Variants in EIF4H observed in about 807,000 individuals in gnomAD.
EIF4H encodes the protein eukaryotic translation initiation factor 4H.
A neutral mutation model predicts 30.6 loss-of-function variants in EIF4H; 8 were observed. The ratio of observed to expected loss-of-function variants is 0.26; its 90% CI spans 0.15 to 0.47. EIF4H has a LOEUF of 0.47. EIF4H is among the 20% of genes least tolerant of loss of function. The pLI, the probability that EIF4H is intolerant of heterozygous loss-of-function variation, is 0.99. For synonymous variants in EIF4H, 106 were observed against 122.7 expected, an observed-to-expected ratio of 0.86 and a Z score of 0.90; for missense variants, 188 against 339.5, an observed-to-expected ratio of 0.55 and a Z score of 3.51.
intron 1 of EIF4H, among the ~76,000 whole-genome samples, chr7:74,178,547 A>G (rs924047388): frequency 2.0e-5 from 3 of 147,520 alleles, no homozygotes; most frequent in Admixed American, 2.0e-4. Context: ...ACTGTCTCCA[A>G]AAAAAAAAAA....
At chr7:74,183,422 G>A (rs143844665) in intron 1 of EIF4H, among the ~76,000 whole-genome samples, 27 of 152,196 alleles carry the variant, frequency 1.8e-4, no homozygotes, top group Non-Finnish European at 3.2e-4. Context: ...TATAGCACTT[G>A]GTACTTAGGA....
At chr7:74,189,570 A>G (rs1440037482) in intron 2 of EIF4H, 103 bp from the exon 3 acceptor site, 2 of 1,332,996 alleles carry the variant, frequency 1.5e-6, no homozygotes, top group South Asian at 1.4e-5. Context: ...CATCTAGACA[A>G]CAGAATGGTA....
In EIF4H at chr7:74,186,806, T is replaced by TAA. The variant is rs1801092053; in HGVS notation, c.60-805_60-804insAA. Among the ~76,000 whole-genome samples, 2 of 41,950 alleles carry TAA rather than the reference T, an allele frequency of 4.8e-5. 1 individual carries two copies. The highest frequency in any genetic ancestry group is 8.7e-5 in the Non-Finnish European group (2 of 22,974). 27.5% of individuals were successfully genotyped at this position (41,950 alleles called of 152,430 possible). ...AGGAGAAATTTTTTTTTTTTTTTTT[T>TAA]TTTTTTTTTTTTTTTTTTTTTTTTT... On this transcript the variant is annotated intron_variant, in intron 1 of 6. Coordinates refer to ENST00000265753, the MANE Select transcript of EIF4H (RefSeq NM_022170.2).
In EIF4H at chr7:74,195,254, T is replaced by C; in HGVS notation, c.693T>C (p.Ala231=). 2 of 1,613,928 alleles carry C rather than the reference T, an allele frequency of 1.2e-6. No individual in the cohort carries two copies. The highest frequency in any genetic ancestry group is 1.7e-6 in the Non-Finnish European group (2 of 1,179,840). The part of the protein sequence containing the change: ...PLNQVANPNS[A]IFGGARPREE... Reference sequence around the variant, plus strand: ...ATCAAGTAGCCAATCCCAACTCTGCTATCTTCGGGGGTGCCAGGCCTAGAG... The same window carrying C: ...ATCAAGTAGCCAATCCCAACTCTGCCATCTTCGGGGGTGCCAGGCCTAGAG... Residue 231 remains alanine, a synonymous_variant, in exon 7 of 7, where the codon GCT becomes GCC. Coordinates refer to ENST00000265753, the MANE Select transcript of EIF4H (RefSeq NM_022170.2).
At chr7:74,179,520 T>A (rs1314191308) in intron 1 of EIF4H, among the ~76,000 whole-genome samples, 2 of 151,726 alleles carry the variant, frequency 1.3e-5, no homozygotes, top group Non-Finnish European at 2.9e-5. Flanking sequence ...TAGTCCCAGC[T>A]ACTTGGGAGG....
At chr7:74,191,884 A>G (rs1666436718) in intron 5 of EIF4H, among the ~76,000 whole-genome samples, 4 of 151,972 alleles carry the variant, frequency 2.6e-5, no homozygotes, top group Admixed American at 2.6e-4. Context: ...GGTTCATGCC[A>G]TTCTCCTGCC....
intron 5 of EIF4H, among the ~76,000 whole-genome samples, chr7:74,190,621 A>G (rs375207228): frequency 6.6e-6 from 1 of 152,202 alleles, no homozygotes; most frequent in African/African-American, 2.4e-5. Flanking sequence ...GGTTTTGTGT[A>G]TGGCACCAAG....
At chr7:74,175,268 G>A (rs1242422907) in intron 1 of EIF4H, among the ~76,000 whole-genome samples, 1 of 152,190 alleles carries the variant, frequency 6.6e-6, no homozygotes, top group Non-Finnish European at 1.5e-5. Flanking sequence ...CCAGGACTCT[G>A]CACTTTTTTT....
chr7:74,185,746 T>G (rs782369237), intron 1 of EIF4H, among the ~76,000 whole-genome samples: 32 of 152,150 alleles, frequency 2.1e-4, no homozygotes, highest in Admixed American at 7.2e-4. Context: ...CTCTCTAAGA[T>G]GGATATTAAT....
chr7:74,187,379 C>T (rs1436307551), intron 1 of EIF4H, among the ~76,000 whole-genome samples: 1 of 152,112 alleles, frequency 6.6e-6, no homozygotes, highest in Non-Finnish European at 1.5e-5. Flanking sequence ...TCCAGTGAGC[C>T]AAGATTGTGC....
intron 1 of EIF4H, among the ~76,000 whole-genome samples, chr7:74,179,541 A>G (rs916652828): frequency 1.1e-4 from 17 of 152,074 alleles, no homozygotes; most frequent in African/African-American, 4.1e-4. Context: ...CTGAAGCCAT[A>G]GAATCACTTG....
Position 74,187,669 on chromosome 7 carries a change from C to T in EIF4H, c.118C>T (p.Pro40Ser). ...SRSQKELPTE[P>S]PYTAYVGNLP... Reference sequence around the variant, plus strand: ...TAGCCAGAAGGAGTTGCCCACAGAGCCCCCCTACACAGCATACGTAGGAAA... The same window carrying T: ...TAGCCAGAAGGAGTTGCCCACAGAGTCCCCCTACACAGCATACGTAGGAAA... Residue 40 changes from proline (P) to serine (S), a missense_variant, in exon 2 of 7, where the codon CCC becomes TCC. By Grantham distance (74) the Pro-to-Ser change is moderately conservative. Transcript: ENST00000265753. 1 of 1,610,992 alleles carries T rather than the reference C, an allele frequency of 6.2e-7. No individual in the cohort carries two copies. The highest frequency in any genetic ancestry group is 8.5e-7 in the Non-Finnish European group (1 of 1,178,220).
rs1257314652 is a variant in EIF4H at position 74,188,139 on chromosome 7, TG to T, written c.247+342del. On this transcript the variant is annotated intron_variant, in intron 2 of 6. Transcript: ENST00000265753. The stretch of plus-strand genomic sequence containing the variant: ...ACTCTTAGGCACATTCCTCCTGGAA[TG>T]ACTCGTAGATTTTCCTTGGTAGTTA... 4.6e-5 allele frequency among the ~76,000 whole-genome samples: 7 copies of T among 152,260 alleles called. No individual in the cohort carries two copies. The East Asian group carries it at 1.3e-3, about 29-fold the overall frequency.
chr7:74,193,388 TG>T (rs1414491131), intron 5 of EIF4H, among the ~76,000 whole-genome samples: 1 of 152,124 alleles, frequency 6.6e-6, no homozygotes. Flanking sequence ...GGATTACACA[TG>T]AATTTTAGCG....
intron 5 of EIF4H, 91 bp downstream of exon 5, chr7:74,190,397 A>G (rs1801178724): frequency 2.3e-6 from 3 of 1,293,938 alleles, no homozygotes; most frequent in Non-Finnish European, 3.3e-6. Flanking sequence ...TGGCCGGACT[A>G]CTTATTTAGT....
chr7:74,188,019 A>T (rs1377585930), intron 2 of EIF4H, among the ~76,000 whole-genome samples: 6 of 152,236 alleles, frequency 3.9e-5, no homozygotes, highest in Non-Finnish European at 8.8e-5. Context: ...TCATAGAAAT[A>T]CATGGCATAT....
At chr7:74,192,585 A>G (rs1801243961) in intron 5 of EIF4H, among the ~76,000 whole-genome samples, 1 of 151,628 alleles carries the variant, frequency 6.6e-6, no homozygotes, top group Non-Finnish European at 1.5e-5. Flanking sequence ...AGAACACTGA[A>G]TGAGCCCGTG....
intron 5 of EIF4H, among the ~76,000 whole-genome samples, chr7:74,191,918 T>A (rs941278792): frequency 2.6e-5 from 4 of 152,142 alleles, no homozygotes; most frequent in African/African-American, 9.7e-5. Flanking sequence ...TAGCTGGGAC[T>A]ACAGGCACCC....
Position 74,195,370 on chromosome 7 carries a change from C to G in EIF4H, c.*62C>G. On this transcript the variant is annotated 3_prime_UTR_variant, in exon 7 of 7. Transcript: ENST00000265753. ...GAGCAGGACCACAGCCTGGTGAGTC[C>G]CCGGGCAGCCGTCCTGCAGCCGCCA... The G allele has an allele frequency of 4.0e-6, 6 of 1,482,092 alleles. No homozygotes were observed. The highest frequency in any genetic ancestry group is 5.4e-6 in the Non-Finnish European group (6 of 1,112,032). 91.8% of individuals were successfully genotyped at this position (1,482,092 alleles called of 1,614,324 possible). A position where few individuals can be genotyped will look rare whatever the true frequency, so the allele number is the denominator to read the frequency against.
Sources: gnomAD v4.1 joint callset for allele counts (sites outside exome capture counted in the v4.1 genomes callset) on GRCh38, gnomAD v4.1.1 for gene constraint, MANE v1.5 for transcripts, NCBI Gene and HGNC (gene_info 2026-07-23, HGNC 2026-07-21) for gene names.